The following NTRK3 variants were observed in gnomAD, a reference collection of about 807,000 sequenced individuals.
The protein encoded by NTRK3 is NT-3 growth factor receptor.
In NTRK3, 24 loss-of-function variants were observed where a neutral mutation model predicts 91.7. That is an observed-to-expected ratio of 0.26 (90% confidence interval 0.19 to 0.37). The LOEUF (loss-of-function observed/expected upper bound fraction) is 0.37. NTRK3 is among the 10% of genes least tolerant of loss of function. The pLI is 1.00. For synonymous variants in NTRK3, 483 were observed against 404.0 expected (o/e 1.20, Z -2.34); for missense variants, 880 against 1,068.9 (o/e 0.82, Z 2.46).
rs73451431 is a variant in NTRK3 at position 88,169,404 on chromosome 15, G to T, written c.395+14014C>A. On this transcript the variant is annotated intron_variant, in intron 5 of 18. Coordinates refer to ENST00000394480, the Ensembl canonical transcript of NTRK3. The stretch of plus-strand genomic sequence containing the variant: ...ACACTTGTATGTAACAGAGGTTAGG[G>T]CCCTTGTGGAGGAAGCACCAAGATG... Among the ~76,000 whole-genome samples, 549 of 152,264 alleles carry T rather than the reference G, an allele frequency of 3.6e-3. 7 individuals are homozygous for T. Among genetic ancestry groups the T allele is most frequent in the African/African-American group, 0.013 (527 of 41,556 alleles).
At chr15:88,093,070 T>G (rs2049182718) in intron 13 of NTRK3, among the ~76,000 whole-genome samples, 2 of 151,322 alleles carry the variant, frequency 1.3e-5, no homozygotes, top group South Asian at 4.2e-4. Context: ...TTTTTGTTTT[T>G]TTTGTTTTTT....
At chr15:88,033,640 G>A (rs1290429688) in intron 13 of NTRK3, among the ~76,000 whole-genome samples, 2 of 151,978 alleles carry the variant, frequency 1.3e-5, no homozygotes, top group East Asian at 3.9e-4. Context: ...AAATCCACTG[G>A]AAGCGTATTC....
In NTRK3 at chr15:88,137,360, G is replaced by C. The variant is rs751495905; in HGVS notation, c.622+44C>G. 4 of 1,608,408 alleles carry C rather than the reference G, an allele frequency of 2.5e-6. No individual in the cohort carries two copies. In the South Asian group the frequency reaches 3.3e-5, roughly 13 times the overall value. ...CCAGCACCATCTCTGGTGTCTGAGG[G>C]ATGCCTCCCTGGAGCCAGCTGGGCC... On this transcript the variant is annotated intron_variant, in intron 7 of 18. Coordinates refer to ENST00000394480, the Ensembl canonical transcript of NTRK3.
intron 5 of NTRK3, among the ~76,000 whole-genome samples, chr15:88,158,568 G>T (rs2044136718): frequency 6.6e-6 from 1 of 152,232 alleles, no homozygotes; most frequent in African/African-American, 2.4e-5. Flanking sequence ...CTTAAAATCT[G>T]CTGTGTTTCT....
At chr15:87,934,974 CAAAA>C (rs879914290) in intron 15 of NTRK3, among the ~76,000 whole-genome samples, 7 of 152,182 alleles carry the variant, frequency 4.6e-5, no homozygotes, top group Admixed American at 2.0e-4. Context: ...CTACGGCTGA[CAAAA>C]AAGTCGAAAG....
At chr15:88,116,030 G>A (rs895048605) in intron 13 of NTRK3, among the ~76,000 whole-genome samples, 5 of 152,162 alleles carry the variant, frequency 3.3e-5, no homozygotes, top group African/African-American at 9.7e-5. Context: ...GCAGCTCAAG[G>A]AGCTCTGAGC....
At chr15:88,082,279 A>C (rs2048118633) in intron 13 of NTRK3, among the ~76,000 whole-genome samples, 1 of 138,558 alleles carries the variant, frequency 7.2e-6, no homozygotes, top group Non-Finnish European at 1.5e-5. Flanking sequence ...CTCTGTCTCA[A>C]AAAAAAAAAA....
At chr15:88,005,078 C>G (rs1318184046) in intron 14 of NTRK3, among the ~76,000 whole-genome samples, 1 of 152,256 alleles carries the variant, frequency 6.6e-6, no homozygotes, top group African/African-American at 2.4e-5. Context: ...TCGTGTTACT[C>G]CAAAGGTTTT....
At chr15:87,908,908 C>T (rs1028699406) in intron 17 of NTRK3, among the ~76,000 whole-genome samples, 2 of 152,038 alleles carry the variant, frequency 1.3e-5, no homozygotes. Context: ...CTTCCCTCCA[C>T]GAGCTTGGTT....
intron 17 of NTRK3, chr15:87,908,549 C>G: frequency 2.5e-6 from 1 of 399,336 alleles, no homozygotes; most frequent in Non-Finnish European, 4.4e-6. Context: ...ACGGGCCCTT[C>G]TGGCATGGCC....
intron 13 of NTRK3, among the ~76,000 whole-genome samples, chr15:88,092,029 C>T (rs1313339022): frequency 6.6e-6 from 1 of 152,192 alleles, no homozygotes; most frequent in Non-Finnish European, 1.5e-5. Context: ...CAGTAGATCA[C>T]ACATCACAAC....
intron 17 of NTRK3, among the ~76,000 whole-genome samples, chr15:87,886,699 T>TAC (rs1555429881): frequency 1.8e-4 from 25 of 138,430 alleles, no homozygotes; most frequent in East Asian, 6.3e-4. Context: ...TATATATATA[T>TAC]ACATATATAC....
At chr15:88,116,603 C>T (rs906816352) in intron 13 of NTRK3, among the ~76,000 whole-genome samples, 5 of 152,134 alleles carry the variant, frequency 3.3e-5, no homozygotes, top group East Asian at 1.9e-4. Context: ...TTACCAGTAA[C>T]TTTACCCCTT....
chr15:88,156,471 A>G (rs2043913266), intron 5 of NTRK3, among the ~76,000 whole-genome samples: 1 of 150,474 alleles, frequency 6.6e-6, no homozygotes, highest in Non-Finnish European at 1.5e-5. Flanking sequence ...CCCATCCTTC[A>G]GCCCCTCCCC....
At chr15:88,136,289 A>G (rs1361424888) in intron 8 of NTRK3, among the ~76,000 whole-genome samples, 178 bp downstream of exon 8, 1 of 152,272 alleles carries the variant, frequency 6.6e-6, no homozygotes, top group Non-Finnish European at 1.5e-5. Flanking sequence ...AACCTAAGTT[A>G]CAGAAAAGTT....
At chr15:87,972,049 C>T (rs1052173549) in intron 14 of NTRK3, among the ~76,000 whole-genome samples, 2 of 152,212 alleles carry the variant, frequency 1.3e-5, no homozygotes, top group African/African-American at 2.4e-5. Flanking sequence ...CCATATTAGA[C>T]AGCAGTGAAG....
intron 5 of NTRK3, among the ~76,000 whole-genome samples, chr15:88,166,318 A>G (rs1004542537): frequency 6.6e-6 from 1 of 152,178 alleles, no homozygotes; most frequent in Non-Finnish European, 1.5e-5. Flanking sequence ...CTGGGTCTAG[A>G]TCCCAGCAGG....
chr15:88,091,190 G>T (rs938317812), intron 13 of NTRK3, among the ~76,000 whole-genome samples: 1 of 152,146 alleles, frequency 6.6e-6, no homozygotes, highest in African/African-American at 2.4e-5. Flanking sequence ...AGGGGAAAAA[G>T]GTTAGACCTT....
intron 13 of NTRK3, among the ~76,000 whole-genome samples, chr15:88,079,561 A>C (rs768022377): frequency 6.6e-6 from 1 of 152,202 alleles, no homozygotes; most frequent in Non-Finnish European, 1.5e-5. Context: ...CAGCCAGCTG[A>C]TAGGGGTTGA....
Sources: gnomAD v4.1 joint callset for allele counts (sites outside exome capture counted in the v4.1 genomes callset) on GRCh38, gnomAD v4.1.1 for gene constraint, MANE v1.5 for transcripts, NCBI Gene and HGNC (gene_info 2026-07-23, HGNC 2026-07-21) for gene names.